FBXL17: variants seen among roughly 807,000 people sequenced by gnomAD.
FBXL17 encodes F-box/LRR-repeat protein 17.
A neutral mutation model predicts 66.2 loss-of-function variants in FBXL17; 22 were observed. The ratio of observed to expected loss-of-function variants is 0.33; its 90% CI spans 0.24 to 0.47. The LOEUF (loss-of-function observed/expected upper bound fraction) is 0.47. FBXL17 is among the 20% of genes least tolerant of loss of function. The pLI is 1.00. For synonymous variants in FBXL17, 474 were observed against 400.5 expected, an observed-to-expected ratio of 1.18 and a Z score of -2.19; for missense variants, 878 against 948.2, an observed-to-expected ratio of 0.93 and a Z score of 0.97.
At chr5:108,163,210 C>A (rs1223660675) in intron 6 of FBXL17, among the ~76,000 whole-genome samples, 2 of 151,906 alleles carry the variant, frequency 1.3e-5, no homozygotes, top group African/African-American at 4.8e-5. Flanking sequence ...TTGCCAGGGC[C>A]CATCAGAGAG....
chr5:108,360,639 G>T (rs762467688), intron 3 of FBXL17, among the ~76,000 whole-genome samples: 1 of 151,892 alleles, frequency 6.6e-6, no homozygotes, highest in South Asian at 2.1e-4. Context: ...ACCAAATTTC[G>T]GAAGTTTGGG....
intron 6 of FBXL17, among the ~76,000 whole-genome samples, chr5:108,115,577 G>A (rs1750217088): frequency 6.6e-6 from 1 of 151,640 alleles, no homozygotes; most frequent in East Asian, 1.9e-4. Context: ...CAAGCTGCTG[G>A]GGGAAAGGAG....
At chr5:108,192,055 C>A (rs1431993808) in intron 5 of FBXL17, among the ~76,000 whole-genome samples, 1 of 152,192 alleles carries the variant, frequency 6.6e-6, no homozygotes, top group Non-Finnish European at 1.5e-5. Context: ...ACTAGCACTT[C>A]TAAGAGATGT....
intron 8 of FBXL17, among the ~76,000 whole-genome samples, chr5:107,876,107 T>C (rs1240190914): frequency 6.6e-6 from 1 of 152,224 alleles, no homozygotes. Flanking sequence ...GCGCCTCTAC[T>C]GGCCAAGAAG....
At chr5:107,929,143 T>C (rs552583419) in intron 7 of FBXL17, among the ~76,000 whole-genome samples, 10 of 152,312 alleles carry the variant, frequency 6.6e-5, no homozygotes, top group South Asian at 4.1e-4. Flanking sequence ...ACTGTCAATA[T>C]TGAAAACTGT....
At chr5:107,937,825 T>C (rs1178892284) in intron 7 of FBXL17, among the ~76,000 whole-genome samples, 1 of 152,176 alleles carries the variant, frequency 6.6e-6, no homozygotes, top group Non-Finnish European at 1.5e-5. Flanking sequence ...GGCAGCACTC[T>C]GCCTAATGGC....
chr5:107,941,740 A>G (rs756582298), intron 7 of FBXL17, among the ~76,000 whole-genome samples: 95 of 152,170 alleles, frequency 6.2e-4, no homozygotes, highest in Non-Finnish European at 1.2e-3. Context: ...ACATTTCAAA[A>G]GATAAGAAGG....
At chr5:108,061,271 G>C (rs1426277891) in intron 6 of FBXL17, among the ~76,000 whole-genome samples, 2 of 151,300 alleles carry the variant, frequency 1.3e-5, no homozygotes, top group South Asian at 2.1e-4. Context: ...TGGGTAACAA[G>C]AGCCAAACCC....
At chr5:107,946,493 G>C (rs1337006072) in intron 7 of FBXL17, among the ~76,000 whole-genome samples, 1 of 144,308 alleles carries the variant, frequency 6.9e-6, no homozygotes, top group Non-Finnish European at 1.5e-5. Flanking sequence ...ATTTTGTAGA[G>C]ATGAGGTCTC....
chr5:107,885,858 A>C (rs749363043), intron 7 of FBXL17, among the ~76,000 whole-genome samples: 4 of 152,176 alleles, frequency 2.6e-5, no homozygotes, highest in Admixed American at 6.6e-5. Flanking sequence ...GTGAGGAAGA[A>C]GAGAGAGAAG....
chr5:108,296,707 T>G (rs191655274), intron 4 of FBXL17, among the ~76,000 whole-genome samples: 164 of 151,876 alleles, frequency 1.1e-3, no homozygotes, highest in Non-Finnish European at 2.0e-3. Context: ...TATTTATTTT[T>G]TTGCTTTGCT....
At chr5:108,162,479 G>C (rs1424743752) in intron 6 of FBXL17, among the ~76,000 whole-genome samples, 1 of 152,138 alleles carries the variant, frequency 6.6e-6, no homozygotes, top group Non-Finnish European at 1.5e-5. Context: ...GACAGAGCAA[G>C]ACTCTGTCTC....
intron 4 of FBXL17, among the ~76,000 whole-genome samples, chr5:108,322,357 G>GA (rs1386155798): frequency 6.6e-6 from 1 of 151,662 alleles, no homozygotes; most frequent in South Asian, 2.1e-4. Flanking sequence ...TTTCAGAGGA[G>GA]AAAAAAAGGG....
At chr5:108,333,391 A>G (rs1481594119) in intron 4 of FBXL17, among the ~76,000 whole-genome samples, 2 of 152,078 alleles carry the variant, frequency 1.3e-5, no homozygotes, top group Non-Finnish European at 2.9e-5. Context: ...TACTACGTTA[A>G]AAAATCACTT....
rs147649991 is a variant in FBXL17 at position 108,170,892 on chromosome 5, T to C, written c.1745+15225A>G. Among the ~76,000 whole-genome samples the C allele has an allele frequency of 3.6e-3, 555 of 152,328 alleles. 6 individuals are homozygous for C. Among genetic ancestry groups the C allele is most frequent in the African/African-American group, 0.013 (527 of 41,574 alleles). On this transcript the variant is annotated intron_variant, in intron 6 of 8. Transcript: ENST00000542267. ...GAAGGCATAAATATAGTGGTGATTATGTCACAGTAACAACTATTCTAAGGA... is the reference window on the plus strand; with the variant it reads ...GAAGGCATAAATATAGTGGTGATTACGTCACAGTAACAACTATTCTAAGGA...
chr5:108,261,770 G>GA (rs1329680201), intron 4 of FBXL17, among the ~76,000 whole-genome samples: 3 of 149,850 alleles, frequency 2.0e-5, no homozygotes, highest in Admixed American at 6.9e-5. Flanking sequence ...TTAAAAAAAA[G>GA]AAAAAAACAA....
chr5:108,191,181 C>T (rs1753455756), intron 5 of FBXL17, among the ~76,000 whole-genome samples: 1 of 152,148 alleles, frequency 6.6e-6, no homozygotes, highest in Non-Finnish European at 1.5e-5. Context: ...TTATCCTTTA[C>T]CATAGTTTCT....
chr5:108,131,962 C>T (rs1180689260), intron 6 of FBXL17, among the ~76,000 whole-genome samples: 1 of 149,484 alleles, frequency 6.7e-6, no homozygotes, highest in African/African-American at 2.4e-5. Flanking sequence ...TTATATTAAC[C>T]TTGACTGAAG....
intron 6 of FBXL17, among the ~76,000 whole-genome samples, chr5:108,089,167 GA>G (rs1554064077): frequency 6.6e-6 from 1 of 152,098 alleles, no homozygotes; most frequent in Non-Finnish European, 1.5e-5. Context: ...ATCATAAAAC[GA>G]AATGCTCTCA....
Sources: gnomAD v4.1 joint callset for allele counts (sites outside exome capture counted in the v4.1 genomes callset) on GRCh38, gnomAD v4.1.1 for gene constraint, MANE v1.5 for transcripts, NCBI Gene and HGNC (gene_info 2026-07-23, HGNC 2026-07-21) for gene names.